RAD51B: variants seen among roughly 807,000 people sequenced by gnomAD.
The protein encoded by RAD51B is DNA repair protein RAD51 homolog 2.
A neutral mutation model predicts 42.2 loss-of-function variants in RAD51B; 38 were observed. That is an observed-to-expected ratio of 0.90 (90% CI 0.70 to 1.18). The LOEUF is 1.18. Ranked by LOEUF, RAD51B falls within the 50% of genes most tolerant of loss-of-function variation. The pLI is 0.00. For synonymous variants in RAD51B, 154 were observed against 145.2 expected, an observed-to-expected ratio of 1.06 and a Z score of -0.43; for missense variants, 373 against 400.7, an observed-to-expected ratio of 0.93 and a Z score of 0.59.
At chr14:68,258,407 C>CA (rs2080801280) in intron 7 of RAD51B, among the ~76,000 whole-genome samples, 2 of 146,920 alleles carry the variant, frequency 1.4e-5, no homozygotes, top group African/African-American at 5.0e-5. Context: ...TACACACACA[C>CA]CACACACACA....
At chr14:68,134,892 G>A (rs1357415283) in intron 7 of RAD51B, among the ~76,000 whole-genome samples, 2 of 151,284 alleles carry the variant, frequency 1.3e-5, no homozygotes, top group Non-Finnish European at 2.9e-5. Context: ...TTTTCATCCT[G>A]TTAACAGGGT....
intron 10 of RAD51B, among the ~76,000 whole-genome samples, chr14:68,538,607 AGTTT>A (rs1473382277): frequency 6.6e-6 from 1 of 150,586 alleles, no homozygotes; most frequent in African/African-American, 2.4e-5. Flanking sequence ...ACGCCAACAT[AGTTT>A]GTTTGGCTAG....
At chr14:67,903,213 T>G (rs938543651) in intron 7 of RAD51B, among the ~76,000 whole-genome samples, 116 of 152,290 alleles carry the variant, frequency 7.6e-4, no homozygotes, top group African/African-American at 2.7e-3. Context: ...GTCAGGAATC[T>G]GCAAAGCTTA....
intron 10 of RAD51B, among the ~76,000 whole-genome samples, chr14:68,552,521 G>A (rs1347026316): frequency 2.6e-5 from 4 of 152,052 alleles, no homozygotes; most frequent in Non-Finnish European, 5.9e-5. Flanking sequence ...CACACAGTAG[G>A]GCCTCCATTA....
intron 7 of RAD51B, among the ~76,000 whole-genome samples, chr14:67,891,343 T>C (rs2043213228): frequency 6.6e-6 from 1 of 152,178 alleles, no homozygotes; most frequent in South Asian, 2.1e-4. Context: ...CGTTTTTCTG[T>C]GGCCATCTGT....
rs1050949652 is a variant in RAD51B at position 68,285,531 on chromosome 14, G to A, written c.757-6353G>A. ...ACATTCTCTTCTTGCGTCTCTCTCT[G>A]GCCACCCAGATTATCCAGGGGCTGC... is the stretch of plus-strand genomic sequence containing the variant. On this transcript the variant is annotated intron_variant, in intron 7 of 10. Transcript: ENST00000471583. 6.6e-5 allele frequency among the ~76,000 whole-genome samples: 10 copies of A among 152,274 alleles called. 1 individual carries two copies. The East Asian group carries it at 1.9e-3, about 29-fold the overall frequency.
At chr14:68,592,420 T>G (rs1422784610) in intron 10 of RAD51B, among the ~76,000 whole-genome samples, 3 of 152,214 alleles carry the variant, frequency 2.0e-5, no homozygotes, top group Non-Finnish European at 4.4e-5. Context: ...TTTGTTGAGA[T>G]CTTTTTCTGG....
At chr14:68,065,628 C>T (rs953318690) in intron 7 of RAD51B, among the ~76,000 whole-genome samples, 1 of 152,038 alleles carries the variant, frequency 6.6e-6, no homozygotes, top group African/African-American at 2.4e-5. Flanking sequence ...GGTGGTTCTG[C>T]TTGGATGCCA....
chr14:68,654,228 C>A (rs927241068), intron 11 of RAD51B, among the ~76,000 whole-genome samples: 1 of 152,184 alleles, frequency 6.6e-6, no homozygotes, highest in Non-Finnish European at 1.5e-5. Flanking sequence ...AGGGAATAAG[C>A]CCAGCGCTAC....
At chr14:68,073,263 A>G (rs1410207895) in intron 7 of RAD51B, among the ~76,000 whole-genome samples, 1 of 152,168 alleles carries the variant, frequency 6.6e-6, no homozygotes, top group African/African-American at 2.4e-5. Context: ...TGAACCCTTT[A>G]TGATTATGTA....
chr14:68,531,722 G>C (rs889367157), intron 10 of RAD51B, among the ~76,000 whole-genome samples: 1 of 152,108 alleles, frequency 6.6e-6, no homozygotes. Flanking sequence ...CAATAGGCCA[G>C]GCATGGTGGC....
At chr14:68,501,544 G>T (rs1384438652) in intron 10 of RAD51B, among the ~76,000 whole-genome samples, 1 of 152,190 alleles carries the variant, frequency 6.6e-6, no homozygotes, top group Non-Finnish European at 1.5e-5. Context: ...TACACACCAT[G>T]GGGGGCTGGA....
chr14:67,884,604 T>A (rs2043009159), intron 5 of RAD51B, among the ~76,000 whole-genome samples: 1 of 152,152 alleles, frequency 6.6e-6, no homozygotes, highest in African/African-American at 2.4e-5. Flanking sequence ...CAATGCCATC[T>A]CATTTCTTGA....
intron 7 of RAD51B, among the ~76,000 whole-genome samples, chr14:67,986,966 G>A (rs970322654): frequency 1.3e-4 from 20 of 152,040 alleles, no homozygotes; most frequent in African/African-American, 4.1e-4. Context: ...TCCTGACCTC[G>A]GGTGATCCAC....
At chr14:68,103,589 C>T (rs1459359418) in intron 7 of RAD51B, among the ~76,000 whole-genome samples, 1 of 152,174 alleles carries the variant, frequency 6.6e-6, no homozygotes, top group East Asian at 1.9e-4. Flanking sequence ...TTTATGTCTG[C>T]ACCCATTTCT....
intron 7 of RAD51B, among the ~76,000 whole-genome samples, chr14:68,004,351 A>AAT (rs1353210296): frequency 2.7e-5 from 4 of 148,234 alleles, no homozygotes; most frequent in Non-Finnish European, 4.4e-5. Context: ...AAAAAAAAAA[A>AAT]AAAAGAATAT....
intron 7 of RAD51B, among the ~76,000 whole-genome samples, chr14:67,900,594 C>A (rs1221974917): frequency 1.2e-5 from 1 of 81,072 alleles, no homozygotes; most frequent in Non-Finnish European, 2.3e-5. Flanking sequence ...GATCTTCTTT[C>A]AGTTTGTGTG....
At chr14:68,588,670 C>T (rs1890602081) in intron 10 of RAD51B, among the ~76,000 whole-genome samples, 3 of 152,136 alleles carry the variant, frequency 2.0e-5, no homozygotes, top group Admixed American at 2.0e-4. Context: ...CTTGGCGGTT[C>T]CCCACAAGTG....
chr14:68,597,856 A>T, downstream of RAD51B, among the ~76,000 whole-genome samples: 1 of 151,516 alleles, frequency 6.6e-6, no homozygotes, highest in East Asian at 1.9e-4. Flanking sequence ...AGAGAACTCT[A>T]CTCTATCCTT....
Sources: allele counts gnomAD v4.1 joint callset (sites outside exome capture counted in the v4.1 genomes callset), GRCh38; gene constraint gnomAD v4.1.1; transcripts MANE v1.5; gene names NCBI Gene and HGNC (gene_info 2026-07-23, HGNC 2026-07-21).